The following AUTS2 variants were observed in gnomAD, a reference collection of about 807,000 sequenced individuals.
AUTS2 encodes the protein activator of transcription and developmental regulator AUTS2.
A neutral mutation model predicts 112.4 loss-of-function variants in AUTS2; 17 were observed. The ratio of observed to expected loss-of-function variants is 0.15; its 90% CI spans 0.10 to 0.23. The LOEUF is 0.23. AUTS2 is among the 10% of genes least tolerant of loss of function. The pLI is 1.00. For synonymous variants in AUTS2, 751 were observed against 702.7 expected, an observed-to-expected ratio of 1.07 and a Z score of -1.09; for missense variants, 1,510 against 1,701.6, an observed-to-expected ratio of 0.89 and a Z score of 1.98.
intron 5 of AUTS2, among the ~76,000 whole-genome samples, chr7:70,670,345 A>G (rs979234270): frequency 2.0e-5 from 3 of 152,338 alleles, no homozygotes; most frequent in African/African-American, 7.2e-5. Flanking sequence ...AATTGATTCC[A>G]TCCACATATT....
chr7:69,792,810 TC>T (rs1472482535), intron 1 of AUTS2, among the ~76,000 whole-genome samples: 4 of 152,234 alleles, frequency 2.6e-5, no homozygotes, highest in South Asian at 2.1e-4. Flanking sequence ...CATGCCCTAC[TC>T]AGAGACATTT....
chr7:70,554,016 C>T (rs1324435065), intron 5 of AUTS2, among the ~76,000 whole-genome samples: 2 of 150,800 alleles, frequency 1.3e-5, no homozygotes, highest in Admixed American at 6.6e-5. Context: ...ATGATCCACC[C>T]ACCTCGGCCT....
intron 4 of AUTS2, among the ~76,000 whole-genome samples, chr7:70,426,009 C>T (rs1795422192): frequency 6.6e-6 from 1 of 151,494 alleles, no homozygotes; most frequent in Admixed American, 6.6e-5. Flanking sequence ...CTGTCAATAG[C>T]CCCATTTAAT....
At chr7:70,481,555 C>T (rs1234621731) in intron 5 of AUTS2, among the ~76,000 whole-genome samples, 1 of 152,170 alleles carries the variant, frequency 6.6e-6, no homozygotes, top group Non-Finnish European at 1.5e-5. Context: ...CACATCTCAC[C>T]CTGGCCCATT....
chr7:70,731,291 C>A (rs750063500), intron 6 of AUTS2, among the ~76,000 whole-genome samples: 2 of 150,556 alleles, frequency 1.3e-5, no homozygotes, highest in Non-Finnish European at 3.0e-5. Flanking sequence ...AGTGAGTATT[C>A]ATTCCAAATG....
At chr7:70,064,910 T>C (rs1007153415) in intron 2 of AUTS2, among the ~76,000 whole-genome samples, 3 of 152,224 alleles carry the variant, frequency 2.0e-5, no homozygotes, top group African/African-American at 7.2e-5. Context: ...GTGGGTTACA[T>C]GTCTTTCTCC....
intron 2 of AUTS2, among the ~76,000 whole-genome samples, chr7:70,109,790 C>T (rs1435734734): frequency 6.6e-6 from 1 of 152,094 alleles, no homozygotes; most frequent in East Asian, 1.9e-4. Context: ...GTCCCTGTCC[C>T]CCATCATGGC....
Position 70,631,496 on chromosome 7 carries a change from C to T in AUTS2, c.691-67073C>T, listed in dbSNP as rs1168004702. ...CCGAGACTCTCCATGATTTCTGAAC[C>T]GTGGGGGACGGGGTGGTCGCAACCT... On this transcript the variant is annotated intron_variant, in intron 5 of 18. Coordinates refer to ENST00000342771, the MANE Select transcript of AUTS2 (RefSeq NM_015570.4). This position sits in a 1 kb window ranked among gnomAD's most constrained non-coding sequence, Gnocchi z 4.5. Among the ~76,000 whole-genome samples the T allele has an allele frequency of 6.6e-6, 1 of 152,072 alleles. No individual in the cohort carries two copies. The highest frequency in any genetic ancestry group is 1.5e-5 in the Non-Finnish European group (1 of 68,000).
chr7:69,851,218 G>A (rs531532650), intron 1 of AUTS2, among the ~76,000 whole-genome samples: 10 of 152,150 alleles, frequency 6.6e-5, no homozygotes, highest in Admixed American at 4.6e-4. Flanking sequence ...CTGTCCCTTC[G>A]CCAGTCCCTT....
intron 2 of AUTS2, among the ~76,000 whole-genome samples, chr7:69,993,511 A>G (rs1798822531): frequency 6.6e-6 from 1 of 152,124 alleles, no homozygotes; most frequent in Admixed American, 6.5e-5. Context: ...TTGGGAGGCC[A>G]AGGAGGAAGG....
chr7:70,712,727 A>G (rs1250324016), intron 6 of AUTS2, among the ~76,000 whole-genome samples: 2 of 152,172 alleles, frequency 1.3e-5, no homozygotes, highest in African/African-American at 4.8e-5. Context: ...CGATCCACAG[A>G]GTCACTGGGT....
chr7:70,728,998 G>T, intron 6 of AUTS2: 1 of 349,204 alleles, frequency 2.9e-6, no homozygotes, highest in Non-Finnish European at 5.8e-6. Context: ...CACATGAAAG[G>T]GAAACCCAGG....
chr7:70,644,125 T>C (rs1263516299), intron 5 of AUTS2, among the ~76,000 whole-genome samples: 1 of 152,228 alleles, frequency 6.6e-6, no homozygotes, highest in Non-Finnish European at 1.5e-5. Flanking sequence ...CAAGTAGTTA[T>C]TGAGTACCAG....
At chr7:70,402,813 G>A (rs144676031) in intron 4 of AUTS2, among the ~76,000 whole-genome samples, 207 of 152,198 alleles carry the variant, frequency 1.4e-3, no homozygotes, top group Non-Finnish European at 2.4e-3. Flanking sequence ...CCATTACAGC[G>A]CTTGGCATGA....
At chr7:69,632,488 G>C (rs1341669564) in intron 1 of AUTS2, among the ~76,000 whole-genome samples, 1 of 151,756 alleles carries the variant, frequency 6.6e-6, no homozygotes, top group Non-Finnish European at 1.5e-5. Flanking sequence ...AGGCTGACGT[G>C]CTCTCCTTTC....
intron 1 of AUTS2, among the ~76,000 whole-genome samples, chr7:69,614,138 A>T (rs1185944124): frequency 6.6e-6 from 1 of 152,084 alleles, no homozygotes; most frequent in African/African-American, 2.4e-5. Flanking sequence ...CTCACAGGTC[A>T]TTCTCTGGGA....
intron 6 of AUTS2, among the ~76,000 whole-genome samples, chr7:70,713,751 C>T (rs754649049): frequency 2.0e-5 from 3 of 152,108 alleles, no homozygotes; most frequent in Non-Finnish European, 2.9e-5. Context: ...AGAAATTAGC[C>T]GGGCGTGGTG....
chr7:70,055,239 A>C (rs1162550070), intron 2 of AUTS2, among the ~76,000 whole-genome samples: 6 of 152,196 alleles, frequency 3.9e-5, no homozygotes, highest in African/African-American at 1.4e-4. Context: ...GTGCAACACC[A>C]GCCTGACAAA....
chr7:70,751,892 G>GTT (rs10556263), intron 6 of AUTS2, among the ~76,000 whole-genome samples: 2 of 142,668 alleles, frequency 1.4e-5, no homozygotes. Flanking sequence ...CCTAATTTTT[G>GTT]TTTTTTTTTT....
Sources: allele counts gnomAD v4.1 joint callset (sites outside exome capture counted in the v4.1 genomes callset), GRCh38; gene constraint gnomAD v4.1.1; non-coding constraint Gnocchi (gnomAD v3.1); transcripts MANE v1.5; gene names NCBI Gene and HGNC (gene_info 2026-07-23, HGNC 2026-07-21).